The following CHST13 variants were observed in gnomAD, a reference collection of about 807,000 sequenced individuals.
CHST13 encodes carbohydrate sulfotransferase 13.
In CHST13, 1 loss-of-function variant was observed where a neutral mutation model predicts 7.0. The observed-to-expected ratio is 0.14, with a 90% CI of 0.05 to 0.68. The LOEUF is 0.68. CHST13 is among the 30% of genes least tolerant of loss of function. The pLI, the probability that CHST13 is intolerant of heterozygous loss-of-function variation, is 0.82. For missense variants in CHST13, 572 were observed against 507.9 expected (o/e 1.13, Z -1.21); for synonymous variants, 257 against 240.9 (o/e 1.07, Z -0.62).
At chr3:126,540,149 C>T (rs1936927346) in intron 2 of CHST13, among the ~76,000 whole-genome samples, 1 of 152,074 alleles carries the variant, frequency 6.6e-6, no homozygotes, top group African/African-American at 2.4e-5. Context: ...CCCAAGCAGG[C>T]CCTGGCTCTG....
At chr3:126,524,945 T>A (rs1285248526) in intron 1 of CHST13, among the ~76,000 whole-genome samples, 1 of 152,144 alleles carries the variant, frequency 6.6e-6, no homozygotes, top group Non-Finnish European at 1.5e-5. Context: ...CCACTCGTGG[T>A]CTGGCTGGGG....
At chr3:126,529,436 G>A in intron 1 of CHST13, 1 of 1,262,114 alleles carries the variant, frequency 7.9e-7, no homozygotes, top group Non-Finnish European at 1.0e-6. Flanking sequence ...AGGGCAGCAT[G>A]GGTGTTAAGG....
intron 1 of CHST13, among the ~76,000 whole-genome samples, chr3:126,531,702 T>A (rs779381505): frequency 6.6e-6 from 1 of 152,242 alleles, no homozygotes. Flanking sequence ...ATTTTTATTA[T>A]CCATTCATCA....
chr3:126,542,704 G>A lies in CHST13; in HGVS notation c.*126G>A. 1 of 1,325,112 alleles carries A rather than the reference G, an allele frequency of 7.5e-7. No individual in the cohort carries two copies. The highest frequency in any genetic ancestry group is 1.9e-5 in the South Asian group (1 of 51,954). 82.1% of individuals were successfully genotyped at this position (1,325,112 alleles called of 1,614,324 possible). On this transcript the variant is annotated 3_prime_UTR_variant, in exon 3 of 3. Coordinates refer to ENST00000319340, the MANE Select transcript of CHST13 (RefSeq NM_152889.3). ...ACTGCGTGCACTCACCTGGCCGCCG[G>A]GCCAGCGGGCGCAGGGCACACCTGG...
At chr3:126,541,599 C>T in intron 2 of CHST13, 134 bp from the exon 3 acceptor site, 2 of 754,884 alleles carry the variant, frequency 2.6e-6, no homozygotes, top group South Asian at 2.1e-5. Context: ...AGTGACAGCC[C>T]TGGGGTTCGA....
chr3:126,534,680 G>A (rs1335203039), intron 1 of CHST13, among the ~76,000 whole-genome samples: 1 of 138,700 alleles, frequency 7.2e-6, no homozygotes, highest in Non-Finnish European at 1.5e-5. Flanking sequence ...CCTCAGCCGG[G>A]AGACAGATAG....
rs113694826 is a variant in CHST13, at chr3:126,540,333, C to T, written c.181-1400C>T. Among the ~76,000 whole-genome samples, 188 of 152,296 alleles carry T rather than the reference C, an allele frequency of 1.2e-3. 1 individual carries two copies. The Middle Eastern group carries it at 0.014, about 11-fold the overall frequency. ...GTCTAATTTCCAAACATTGTGATCA[C>T]CCTCAAAAGCAGCCCAGTGTCAGTC... On this transcript the variant is annotated intron_variant, in intron 2 of 2. Coordinates refer to ENST00000319340, the MANE Select transcript of CHST13 (RefSeq NM_152889.3).
At chr3:126,535,652 T>C (rs1451195677) in intron 1 of CHST13, among the ~76,000 whole-genome samples, 1 of 152,030 alleles carries the variant, frequency 6.6e-6, no homozygotes, top group African/African-American at 2.4e-5. Flanking sequence ...AGCATCACTG[T>C]CCTCAGCTGG....
At position 126,543,171 on chromosome 3, in the gene CHST13, C is replaced by A. The variant is rs979638637; in HGVS notation, c.*593C>A. The A allele has an allele frequency of 2.6e-5, 4 of 152,282 alleles. No individual in the cohort carries two copies. The highest frequency in any genetic ancestry group is 9.6e-5 in the African/African-American group (4 of 41,466). 9.4% of individuals were successfully genotyped at this position (152,282 alleles called of 1,614,324 possible). On this transcript the variant is annotated 3_prime_UTR_variant, in exon 3 of 3. Transcript: ENST00000319340. ...CACCTTCGGTCTCAGTCTGGCAAGA[C>A]GCTGGGTCTTCAGGCTCCATGCCAA...
chr3:126,536,059 G>T (rs1936782830), intron 1 of CHST13, among the ~76,000 whole-genome samples: 2 of 152,132 alleles, frequency 1.3e-5, no homozygotes, highest in African/African-American at 4.8e-5. Context: ...ATGGGAGCAG[G>T]AATGACACAA....
At chr3:126,525,784 A>G (rs978950895) in intron 1 of CHST13, among the ~76,000 whole-genome samples, 1 of 152,056 alleles carries the variant, frequency 6.6e-6, no homozygotes, top group African/African-American at 2.4e-5. Context: ...TCTTTGAGTG[A>G]CTGCATGGAG....
At chr3:126,524,549 TA>T (rs2107559824) in intron 1 of CHST13, 120 bp downstream of exon 1, 1 of 368,984 alleles carries the variant, frequency 2.7e-6, no homozygotes, top group Non-Finnish European at 4.7e-6. Flanking sequence ...TGGCTGGGGC[TA>T]GGGGTGGCGG....
intron 2 of CHST13, among the ~76,000 whole-genome samples, chr3:126,540,053 A>G (rs1382000706): frequency 6.7e-6 from 1 of 148,962 alleles, no homozygotes; most frequent in African/African-American, 2.5e-5. Context: ...ACACAGAGAC[A>G]TCATGCACCA....
In CHST13 at chr3:126,541,894, G is replaced by C. The variant is rs1050699958; in HGVS notation, c.342G>C (p.Lys114Asn). ...AHGLLYCYVP[K>N]VACTNWKRVL... is the part of the protein sequence containing the mutation. ...GCCTGCTCTACTGCTACGTGCCCAA[G>C]GTGGCCTGCACCAACTGGAAGCGCG... is the stretch of plus-strand genomic sequence containing the variant. The change falls in exon 3 of 3, where the codon AAG (lysine) becomes AAC (asparagine). Residue 114 changes from lysine to asparagine, a missense_variant. Transcript: ENST00000319340. The C allele has an allele frequency of 8.7e-6, 14 of 1,600,672 alleles. No homozygotes were observed. The highest frequency in any genetic ancestry group is 1.4e-5 in the African/African-American group (1 of 73,960).
In CHST13 at chr3:126,535,351, G is replaced by A. The variant is rs78481339; in HGVS notation, c.98-920G>A. On this transcript the variant is annotated intron_variant, in intron 1 of 2. Transcript: ENST00000319340. The stretch of plus-strand genomic sequence containing the variant: ...ACAGACAGCATCCCTGTCCTCAGCC[G>A]GGAGACACACAGACAGCATCGCTGT... Among the ~76,000 whole-genome samples the A allele has an allele frequency of 1.2e-3, 175 of 147,866 alleles. No homozygotes were observed. In the Middle Eastern group the frequency reaches 0.049, roughly 41 times the overall value.
At chr3:126,526,570 C>T (rs538913152) in intron 1 of CHST13, among the ~76,000 whole-genome samples, 1 of 152,348 alleles carries the variant, frequency 6.6e-6, no homozygotes, top group East Asian at 1.9e-4. Flanking sequence ...GTAAGTTGGG[C>T]AAGGGGCCAC....
chr3:126,524,167 C>A lies in CHST13; in HGVS notation c.-166C>A. 2.5e-6 allele frequency: 1 copy of A among 401,634 alleles called. No individual in the cohort carries two copies. Among genetic ancestry groups the A allele is most frequent in the Non-Finnish European group, 4.1e-6 (1 of 243,216 alleles). The allele number at this position is 401,634 out of a possible 1,614,324, so 24.9% of individuals were successfully genotyped here. On this transcript the variant is annotated 5_prime_UTR_variant, in exon 1 of 3. Transcript: ENST00000319340. ...GTCCCGCCTCCTCAGTCCCCAGCGA[C>A]TCGCAGGGGCTGGTGGGGCTGGGGT...
At chr3:126,539,636 CCACACACCA>C (rs1301611847) in intron 2 of CHST13, among the ~76,000 whole-genome samples, 2 of 128,218 alleles carry the variant, frequency 1.6e-5, no homozygotes, top group Non-Finnish European at 3.4e-5. Context: ...CACACACACC[CCACACACCA>C]CACACACCCC....
At chr3:126,537,633 G>A (rs572085329) in intron 2 of CHST13, among the ~76,000 whole-genome samples, 61 of 152,310 alleles carry the variant, frequency 4.0e-4, no homozygotes, top group Non-Finnish European at 7.2e-4. Context: ...ACTCAGTAGG[G>A]CCCTGGGTTC....
Sources: gnomAD v4.1 joint callset for allele counts (sites outside exome capture counted in the v4.1 genomes callset) on GRCh38, gnomAD v4.1.1 for gene constraint, MANE v1.5 for transcripts, NCBI Gene and HGNC (gene_info 2026-07-23, HGNC 2026-07-21) for gene names.